Variants in DMD observed in about 807,000 individuals in gnomAD.
DMD encodes the protein mutant dystrophin.
DMD carries 63 observed loss-of-function variants against 330.1 expected under a neutral mutation model. The ratio of observed to expected loss-of-function variants is 0.19; its 90% CI spans 0.16 to 0.24. The LOEUF (loss-of-function observed/expected upper bound fraction) is 0.24, where lower values mean the gene tolerates loss of function less well. Among genes scored for constraint, DMD ranks in the 10% least tolerant of loss-of-function variants. DMD has a pLI of 1.00. For synonymous variants in DMD, 1,223 were observed against 959.8 expected, an observed-to-expected ratio of 1.27 and a Z score of -5.07; for missense variants, 3,344 against 2,684.1, an observed-to-expected ratio of 1.25 and a Z score of -5.43.
chrX:33,010,141 CGTGTATATATACATGT>C (rs1303758093), intron 2 of DMD, among the ~76,000 whole-genome samples: 1 of 92,693 alleles, frequency 1.1e-5, no homozygotes, highest in East Asian at 3.7e-4. Context: ...TGTATATATA[CGTGTATATATACATGT>C]GTGTATATGT....
intron 28 of DMD, 134 bp from the exon 29 acceptor site, chrX:32,438,524 T>G (rs2098269793): frequency 5.3e-6 from 4 of 760,790 alleles, no homozygotes; most frequent in Non-Finnish European, 7.7e-6. Context: ...TAATTGGGAT[T>G]AAAAACACCA....
chrX:32,138,823 C>A (rs1360946413), intron 44 of DMD, among the ~76,000 whole-genome samples: 1 of 111,989 alleles, frequency 8.9e-6, no homozygotes, highest in African/African-American at 3.3e-5. Context: ...AGCTAAGTGC[C>A]TGGTATGTGG....
intron 1 of DMD, among the ~76,000 whole-genome samples, chrX:33,275,492 T>C (rs1423510591): frequency 8.9e-6 from 1 of 112,311 alleles, no homozygotes; most frequent in Non-Finnish European, 1.9e-5. Context: ...TAAAAAAGTA[T>C]ATAGCGTATG....
At chrX:31,635,870 T>C (rs750241357) in intron 54 of DMD, among the ~76,000 whole-genome samples, 5 of 111,495 alleles carry the variant, frequency 4.5e-5, no homozygotes, top group Non-Finnish European at 7.5e-5. Flanking sequence ...TCACTGATCA[T>C]TGGAGAAATG....
At chrX:32,504,364 C>G (rs1395965610) in intron 18 of DMD, among the ~76,000 whole-genome samples, 3 of 111,496 alleles carry the variant, frequency 2.7e-5, no homozygotes, top group Non-Finnish European at 5.6e-5. Context: ...TGGCTCACAC[C>G]TGTAATCCCA....
chrX:31,589,916 T>G (rs768728006), intron 55 of DMD, among the ~76,000 whole-genome samples: 30 of 111,146 alleles, frequency 2.7e-4, no homozygotes, highest in Admixed American at 2.4e-3. Context: ...ATAAAACAAA[T>G]AAACTCAATG....
intron 67 of DMD, among the ~76,000 whole-genome samples, chrX:31,202,336 GTC>G (rs941872990): frequency 3.6e-5 from 4 of 112,260 alleles, no homozygotes; most frequent in African/African-American, 1.3e-4. Context: ...AGTTACTTGT[GTC>G]TACATTTTGA....
At chrX:32,997,799 G>A (rs1294656135) in intron 2 of DMD, among the ~76,000 whole-genome samples, 3 of 111,449 alleles carry the variant, frequency 2.7e-5, no homozygotes, top group African/African-American at 9.8e-5. Flanking sequence ...GACTGCATCA[G>A]AGGAATCTAC....
At chrX:32,060,970 G>A (rs1337948251) in intron 44 of DMD, among the ~76,000 whole-genome samples, 1 of 111,007 alleles carries the variant, frequency 9.0e-6, no homozygotes, top group Non-Finnish European at 1.9e-5. Context: ...CCTGGAAAAT[G>A]GGAACGATAA....
chrX:33,030,268 T>C (rs2094084428), intron 1 of DMD, among the ~76,000 whole-genome samples: 1 of 111,952 alleles, frequency 8.9e-6, no homozygotes, highest in Admixed American at 9.5e-5. Flanking sequence ...GGCAGCCATG[T>C]TAATAATTAG....
chrX:32,646,095 C>G (rs765118188), intron 9 of DMD, among the ~76,000 whole-genome samples: 11 of 111,679 alleles, frequency 9.8e-5, no homozygotes, highest in Middle Eastern at 4.7e-3. Context: ...AACTTCTCCC[C>G]ATCTGAAGCC....
chrX:32,542,315 T>A (rs1369031271), intron 17 of DMD, among the ~76,000 whole-genome samples: 1 of 111,338 alleles, frequency 9.0e-6, no homozygotes, highest in African/African-American at 3.3e-5. Context: ...TGCCTGTAAT[T>A]CCAGCTACTC....
At chrX:32,026,412 G>C (rs959576651) in intron 44 of DMD, among the ~76,000 whole-genome samples, 1 of 111,780 alleles carries the variant, frequency 8.9e-6, no homozygotes, top group South Asian at 3.7e-4. Context: ...TCCACAATGG[G>C]ACTTAATTTC....
intron 11 of DMD, among the ~76,000 whole-genome samples, chrX:32,643,713 A>C (rs1371914666): frequency 7.2e-5 from 8 of 111,875 alleles, no homozygotes; most frequent in Non-Finnish European, 1.3e-4. Flanking sequence ...TTCCATATAT[A>C]GATGAGTAAC....
chrX:32,967,185 C>T (rs1359266621), intron 2 of DMD, among the ~76,000 whole-genome samples: 1 of 111,474 alleles, frequency 9.0e-6, no homozygotes, highest in Non-Finnish European at 1.9e-5. Context: ...CCCAGCCAGT[C>T]CATTGCTCAA....
chrX:32,795,254 G>A (rs542697613), intron 7 of DMD, among the ~76,000 whole-genome samples: 1 of 112,149 alleles, frequency 8.9e-6, no homozygotes, highest in African/African-American at 3.2e-5. Flanking sequence ...ACAGCAAGGT[G>A]TTAGAATAAA....
chrX:32,580,457 G>T (rs2053538145), intron 13 of DMD, among the ~76,000 whole-genome samples: 1 of 111,701 alleles, frequency 9.0e-6, no homozygotes, highest in African/African-American at 3.3e-5. Flanking sequence ...ACTCAATCTT[G>T]CTGTGCTTTA....
intron 16 of DMD, among the ~76,000 whole-genome samples, chrX:32,549,986 A>T (rs747497129): frequency 9.8e-5 from 11 of 112,695 alleles, no homozygotes; most frequent in African/African-American, 3.2e-4. Flanking sequence ...TAACTTAACA[A>T]CTGGGACACA....
At chrX:31,853,782 C>T (rs2093569277) in intron 48 of DMD, among the ~76,000 whole-genome samples, 1 of 111,643 alleles carries the variant, frequency 9.0e-6, no homozygotes, top group African/African-American at 3.3e-5. Context: ...CTATAAATAC[C>T]TAATGGAAAA....
Sources: allele counts gnomAD v4.1 joint callset (sites outside exome capture counted in the v4.1 genomes callset), GRCh38; gene constraint gnomAD v4.1.1; transcripts MANE v1.5; gene names NCBI Gene and HGNC (gene_info 2026-07-23, HGNC 2026-07-21).